Variants in STARD13 observed in about 807,000 individuals in gnomAD.
STARD13 encodes stAR-related lipid transfer protein 13.
In STARD13, 62 loss-of-function variants were observed where a neutral mutation model predicts 106.4. The observed-to-expected ratio is 0.58, with a 90% CI of 0.48 to 0.72. The LOEUF is 0.72. STARD13 is among the 30% of genes least tolerant of loss of function. STARD13 has a pLI of 0.00. For missense variants in STARD13, 1,387 were observed against 1,424.0 expected (o/e 0.97, Z 0.42); for synonymous variants, 565 against 553.0 (o/e 1.02, Z -0.31).
the STARD13 span, among the ~76,000 whole-genome samples, chr13:33,358,045 G>C: frequency 2.0e-5 from 3 of 152,334 alleles, no homozygotes; most frequent in African/African-American, 7.2e-5. Flanking sequence ...TTCCGGGTGG[G>C]CGTGGGCTTG....
At chr13:33,498,869 A>G in the STARD13 span, among the ~76,000 whole-genome samples, 1 of 152,176 alleles carries the variant, frequency 6.6e-6, no homozygotes, top group Admixed American at 6.6e-5. Context: ...CCACAACAAA[A>G]CTATTTTGAG....
At chr13:33,474,792 A>G in the STARD13 span, among the ~76,000 whole-genome samples, 1 of 152,242 alleles carries the variant, frequency 6.6e-6, no homozygotes, top group African/African-American at 2.4e-5. Context: ...CTTGACAAAT[A>G]AGACTCATTT....
chr13:33,122,252 G>C (rs1876446690), intron 7 of STARD13, among the ~76,000 whole-genome samples: 1 of 152,174 alleles, frequency 6.6e-6, no homozygotes, highest in Admixed American at 6.5e-5. Context: ...AAAGTGTTGG[G>C]ATTTTAAGTG....
chr13:33,394,181 C>A, the STARD13 span, among the ~76,000 whole-genome samples: 1 of 151,712 alleles, frequency 6.6e-6, no homozygotes, highest in African/African-American at 2.4e-5. Context: ...TTTTATGGCC[C>A]ATTGTCTCCT....
chr13:33,593,898 C>CTGTTTT, the STARD13 span, among the ~76,000 whole-genome samples: 1 of 151,900 alleles, frequency 6.6e-6, no homozygotes, highest in Non-Finnish European at 1.5e-5. Context: ...GCACCTACTT[C>CTGTTTT]TGTTTTTGTT....
At chr13:33,227,567 CTTGT>C (rs2138198549) in intron 1 of STARD13, among the ~76,000 whole-genome samples, 1 of 152,224 alleles carries the variant, frequency 6.6e-6, no homozygotes, top group African/African-American at 2.4e-5. Flanking sequence ...AATTCCTGTT[CTTGT>C]TTAACACTAG....
At chr13:33,582,203 C>T in the STARD13 span, among the ~76,000 whole-genome samples, 1 of 145,804 alleles carries the variant, frequency 6.9e-6, no homozygotes, top group African/African-American at 2.6e-5. Flanking sequence ...GCCTGGGCAA[C>T]AGAGTGAGAC....
intron 1 of STARD13, among the ~76,000 whole-genome samples, chr13:33,217,382 G>A (rs1888103884): frequency 6.6e-6 from 1 of 152,238 alleles, no homozygotes; most frequent in African/African-American, 2.4e-5. Context: ...CACCTCCACT[G>A]CTTGGCCTCT....
At chr13:33,673,310 G>A in the STARD13 span, among the ~76,000 whole-genome samples, 3 of 152,146 alleles carry the variant, frequency 2.0e-5, no homozygotes, top group Admixed American at 2.0e-4. Flanking sequence ...TTCTAGGGCT[G>A]TGAGTACTGC....
At chr13:33,501,955 T>C in the STARD13 span, among the ~76,000 whole-genome samples, 1 of 152,200 alleles carries the variant, frequency 6.6e-6, no homozygotes, top group Non-Finnish European at 1.5e-5. Context: ...GCATTGAATC[T>C]ACAAATTATT....
chr13:33,117,583 T>A, intron 8 of STARD13: 1 of 973,932 alleles, frequency 1.0e-6, no homozygotes, highest in Non-Finnish European at 1.2e-6. Flanking sequence ...GCTTAAGACT[T>A]GATTTGGTTT....
chr13:33,382,276 G>A, the STARD13 span, among the ~76,000 whole-genome samples: 2 of 152,208 alleles, frequency 1.3e-5, no homozygotes, highest in Non-Finnish European at 2.9e-5. Flanking sequence ...AAGTTGTGCC[G>A]AATCTCCCTG....
chr13:33,204,729 G>A (rs531116570), intron 1 of STARD13, among the ~76,000 whole-genome samples: 2 of 152,186 alleles, frequency 1.3e-5, no homozygotes, highest in African/African-American at 2.4e-5. Context: ...TCTGCAAAAC[G>A]CATAAAACAG....
At chr13:33,627,051 C>T in the STARD13 span, among the ~76,000 whole-genome samples, 4,658 of 152,286 alleles carry the variant, frequency 0.031, 76 homozygotes, top group Middle Eastern at 0.051. Flanking sequence ...TCATTGTTCC[C>T]TTTATCATTT....
intron 4 of STARD13, among the ~76,000 whole-genome samples, chr13:33,136,474 A>C (rs904503817): frequency 2.6e-5 from 4 of 152,320 alleles, no homozygotes; most frequent in South Asian, 2.1e-4. Context: ...CTGGATTGAG[A>C]ACCTCTCTTC....
In STARD13 at chr13:33,196,316, G is replaced by C. The variant is rs528273829; in HGVS notation, c.170-28694C>G. On this transcript the variant is annotated intron_variant, in intron 1 of 13. Coordinates refer to ENST00000336934, the MANE Select transcript of STARD13 (RefSeq NM_178006.4). ...GAGGCACAAGAATCGCTGGAACCTG[G>C]GGGGCAAAGTGAGCTGAGATTGCAC... is the stretch of plus-strand genomic sequence containing the variant. Among the ~76,000 whole-genome samples the C allele has an allele frequency of 2.6e-5, 4 of 152,296 alleles. No individual in the cohort carries two copies. In the East Asian group the frequency reaches 7.7e-4, roughly 29 times the overall value.
the STARD13 span, among the ~76,000 whole-genome samples, chr13:33,508,398 T>C: frequency 2.0e-5 from 3 of 152,168 alleles, no homozygotes; most frequent in African/African-American, 7.2e-5. Flanking sequence ...CCAACATAGA[T>C]AGTAGGGACA....
chr13:33,444,894 T>C, the STARD13 span, among the ~76,000 whole-genome samples: 2 of 152,230 alleles, frequency 1.3e-5, no homozygotes, highest in Admixed American at 1.3e-4. Context: ...TCCATGTTCA[T>C]GCAGACAGTC....
At chr13:33,580,343 G>A in the STARD13 span, among the ~76,000 whole-genome samples, 1 of 152,048 alleles carries the variant, frequency 6.6e-6, no homozygotes, top group African/African-American at 2.4e-5. Flanking sequence ...TCTGAAAAAG[G>A]CACTCTTATG....
Sources: gnomAD v4.1 joint callset for allele counts (sites outside exome capture counted in the v4.1 genomes callset) on GRCh38, gnomAD v4.1.1 for gene constraint, MANE v1.5 for transcripts, NCBI Gene and HGNC (gene_info 2026-07-23, HGNC 2026-07-21) for gene names.